Variants in DDX6 observed in about 807,000 individuals in gnomAD.
DDX6 encodes DEAD-box helicase 6, also known as probable ATP-dependent RNA helicase DDX6.
DDX6 carries 7 observed loss-of-function variants against 60.6 expected under a neutral mutation model. That is an observed-to-expected ratio of 0.12 (90% CI 0.07 to 0.22). The LOEUF (loss-of-function observed/expected upper bound fraction) is 0.22, where lower values mean the gene tolerates loss of function less well. Among genes scored for constraint, DDX6 ranks in the 10% least tolerant of loss-of-function variants. The pLI is 1.00. For missense variants in DDX6, 270 were observed against 589.9 expected (o/e 0.46, Z 5.62); for synonymous variants, 207 against 201.0 (o/e 1.03, Z -0.25).
rs772644494 is a variant in DDX6 at position 118,786,109 on chromosome 11, G to C, written c.143C>G (p.Thr48Ser). Reference sequence around the variant, plus strand: ...CTGAGTGCCATTATTGATTGTGTTGGTGTTTTTCAGCTGGTTCATCTGTTG... The same window carrying C: ...CTGAGTGCCATTATTGATTGTGTTGCTGTTTTTCAGCTGGTTCATCTGTTG... ...TQQQMNQLKN[T>S]NTINNGTQQQ... Residue 48 changes from threonine to serine, a missense_variant, in exon 2 of 14, where the codon ACC becomes AGC. By Grantham distance (58) the Thr-to-Ser change is moderately conservative. Coordinates refer to ENST00000534980, the MANE Select transcript of DDX6 (RefSeq NM_004397.6). 1 of 1,613,966 alleles carries C rather than the reference G, an allele frequency of 6.2e-7. No homozygotes were observed. Among genetic ancestry groups the C allele is most frequent in the Non-Finnish European group, 8.5e-7 (1 of 1,179,894 alleles).
intron 5 of DDX6, among the ~76,000 whole-genome samples, chr11:118,766,556 C>A (rs1337699777): frequency 3.3e-5 from 5 of 152,126 alleles, no homozygotes; most frequent in African/African-American, 1.2e-4. Context: ...CAGATTTAGA[C>A]TCTCCCTCAG....
intron 1 of DDX6, chr11:118,787,863 C>T: frequency 6.6e-6 from 1 of 151,976 alleles, no homozygotes; most frequent in Middle Eastern, 3.4e-3. Context: ...TTATAACAAA[C>T]TTAGCTAATA....
At chr11:118,776,236 T>C (rs1861694707) in intron 4 of DDX6, among the ~76,000 whole-genome samples, 1 of 152,218 alleles carries the variant, frequency 6.6e-6, no homozygotes, top group Non-Finnish European at 1.5e-5. Context: ...TTTTTGAGCA[T>C]TTATCACGTA....
At chr11:118,760,565 G>A (rs1555159932) in intron 7 of DDX6, among the ~76,000 whole-genome samples, 1 of 152,210 alleles carries the variant, frequency 6.6e-6, no homozygotes, top group Non-Finnish European at 1.5e-5. Context: ...GCTCACGCCT[G>A]TAATCCCAGC....
chr11:118,761,512 AG>A (rs11350398), intron 7 of DDX6, among the ~76,000 whole-genome samples: 152,270 of 152,270 alleles, frequency 1, 76,135 homozygotes, highest in Non-Finnish European at 1. Context: ...GCTACTCGGG[AG>A]GGCTGAGGCA....
intron 9 of DDX6, among the ~76,000 whole-genome samples, chr11:118,757,899 CTTCT>C (rs1861033071): frequency 6.6e-6 from 1 of 152,038 alleles, no homozygotes; most frequent in Non-Finnish European, 1.5e-5. Flanking sequence ...CCAAGAATAC[CTTCT>C]TTAATATACT....
chr11:118,782,370 C>A (rs1209676752), intron 2 of DDX6, among the ~76,000 whole-genome samples: 13 of 151,012 alleles, frequency 8.6e-5, no homozygotes, highest in African/African-American at 3.2e-4. Context: ...CTCTTTTTGG[C>A]CAGGTAAAAA....
intron 7 of DDX6, among the ~76,000 whole-genome samples, chr11:118,761,435 G>A (rs1555160142): frequency 1.3e-5 from 2 of 152,014 alleles, no homozygotes; most frequent in Non-Finnish European, 2.9e-5. Flanking sequence ...TGACCAACAT[G>A]GAGAAACCCT....
intron 1 of DDX6, chr11:118,787,823 A>G (rs989833570): frequency 6.6e-6 from 1 of 152,158 alleles, no homozygotes; most frequent in Non-Finnish European, 1.5e-5. Context: ...AAATTGACAA[A>G]ACCAAGATGA....
intron 2 of DDX6, 64 bp downstream of exon 2, chr11:118,785,988 C>T (rs1862061242): frequency 2.7e-6 from 4 of 1,507,392 alleles, no homozygotes; most frequent in Non-Finnish European, 3.6e-6. Flanking sequence ...TAATAGTCAA[C>T]ACCAAAGTAA....
Position 118,786,384 on chromosome 11 carries a change from T to C in DDX6, c.-133A>G. 1.4e-6 allele frequency: 1 copy of C among 690,504 alleles called. No individual in the cohort carries two copies. The highest frequency in any genetic ancestry group is 2.6e-5 in the South Asian group (1 of 39,158). The allele number at this position is 690,504 out of a possible 1,614,324, so 42.8% of individuals were successfully genotyped here. ...TCTTGCTCAATAAATGAGTCCTTTA[T>C]TGCAATGCAGGCAAGCACCTGTAAG... is the stretch of plus-strand genomic sequence containing the variant. On this transcript the variant is annotated 5_prime_UTR_variant, in exon 2 of 14. Transcript: ENST00000534980.
intron 6 of DDX6, among the ~76,000 whole-genome samples, chr11:118,764,138 TA>T (rs1371429580): frequency 6.6e-6 from 1 of 152,198 alleles, no homozygotes; most frequent in Non-Finnish European, 1.5e-5. Context: ...CGAGTATTGT[TA>T]AAAGGATCAA....
intron 12 of DDX6, 102 bp from the exon 13 acceptor site, chr11:118,754,989 G>GT: frequency 1.0e-6 from 1 of 1,001,344 alleles, no homozygotes; most frequent in Non-Finnish European, 1.4e-6. Context: ...TGATAATGAT[G>GT]TTCAGTGCCA....
intron 4 of DDX6, among the ~76,000 whole-genome samples, chr11:118,779,233 A>T (rs1232463757): frequency 2.0e-5 from 3 of 152,142 alleles, no homozygotes; most frequent in Non-Finnish European, 4.4e-5. Context: ...CATAAAAAGA[A>T]GAACAAACAC....
chr11:118,752,469 A>T (rs1860809388), intron 13 of DDX6, among the ~76,000 whole-genome samples: 1 of 152,200 alleles, frequency 6.6e-6, no homozygotes, highest in Non-Finnish European at 1.5e-5. Context: ...AGAGTAATTT[A>T]AAAATTATTT....
intron 4 of DDX6, among the ~76,000 whole-genome samples, chr11:118,773,386 G>C (rs1861598781): frequency 6.6e-6 from 1 of 151,398 alleles, no homozygotes; most frequent in African/African-American, 2.4e-5. Context: ...TGGCTAACAT[G>C]GTGAAACCCC....
At chr11:118,776,968 T>C (rs1190409749) in intron 4 of DDX6, among the ~76,000 whole-genome samples, 2 of 152,204 alleles carry the variant, frequency 1.3e-5, no homozygotes, top group East Asian at 3.9e-4. Flanking sequence ...TATCCTTGTT[T>C]TGATACTTTA....
intron 1 of DDX6, chr11:118,787,022 G>A (rs1862097124): frequency 6.6e-6 from 1 of 152,136 alleles, no homozygotes; most frequent in Non-Finnish European, 1.5e-5. Context: ...ACACCTTTGT[G>A]CCCTTACAAA....
At position 118,747,843 on chromosome 11, in the gene DDX6, A is replaced by G. The variant is rs1860609739; in HGVS notation, c.*4262T>C. ...CATATTTTTGGAACCTTATAAACTC[A>G]GCAGACTCCGGTCCATATATGCGTA... On this transcript the variant is annotated 3_prime_UTR_variant, in exon 14 of 14. Coordinates refer to ENST00000534980, the MANE Select transcript of DDX6 (RefSeq NM_004397.6). 6.6e-6 allele frequency: 1 copy of G among 151,312 alleles called. No individual in the cohort carries two copies. Among genetic ancestry groups the G allele is most frequent in the Non-Finnish European group, 1.5e-5 (1 of 67,920 alleles). 9.4% of individuals were successfully genotyped at this position (151,312 alleles called of 1,614,324 possible). A position where few individuals can be genotyped will look rare whatever the true frequency, so the allele number is the denominator to read the frequency against.
Sources: allele counts gnomAD v4.1 joint callset (sites outside exome capture counted in the v4.1 genomes callset), GRCh38; gene constraint gnomAD v4.1.1; transcripts MANE v1.5; gene names NCBI Gene and HGNC (gene_info 2026-07-23, HGNC 2026-07-21).